Variants in DACH2 observed in about 807,000 individuals in gnomAD.
The protein encoded by DACH2 is dachshund family transcription factor 2.
A neutral mutation model predicts 35.8 loss-of-function variants in DACH2; 17 were observed. The ratio of observed to expected loss-of-function variants is 0.48; its 90% CI spans 0.33 to 0.71. DACH2 has a LOEUF of 0.71. Among genes scored for constraint, DACH2 ranks in the 30% least tolerant of loss-of-function variants. The pLI, the probability that DACH2 is intolerant of heterozygous loss-of-function variation, is 0.02. For synonymous variants in DACH2, 195 were observed against 177.3 expected, an observed-to-expected ratio of 1.10 and a Z score of -0.79; for missense variants, 469 against 472.7, an observed-to-expected ratio of 0.99 and a Z score of 0.07.
At position 86,148,744 on chromosome X, in the gene DACH2, A is replaced by G. The variant is rs763208873; in HGVS notation, c.124A>G (p.Met42Val). 17 of 1,210,894 alleles carry G rather than the reference A, an allele frequency of 1.4e-5. No individual in the cohort carries two copies. Among genetic ancestry groups the G allele is most frequent in the Non-Finnish European group, 1.9e-5 (17 of 895,337 alleles). Residue 42 changes from methionine to valine, a missense_variant, in exon 1 of 12, where the codon ATG (methionine) becomes GTG (valine). Around this residue, in one of 3 missense-constraint regions of DACH2, gnomAD observed 99 missense variants for 114.3 expected, o/e 0.87. Transcript: ENST00000373125. Reference protein sequence around the residue: ...PREPPRLTPNMINSFVVNNHS... With the variant: ...PREPPRLTPNVINSFVVNNHS... ...AGAGCCCCCTCGTCTTACTCCTAATATGATCAATAGTTTCGTGGTTAATAA... is the reference window on the plus strand; with the variant it reads ...AGAGCCCCCTCGTCTTACTCCTAATGTGATCAATAGTTTCGTGGTTAATAA...
chrX:86,301,571 T>C (rs920375826), intron 1 of DACH2, among the ~76,000 whole-genome samples: 2 of 111,918 alleles, frequency 1.8e-5, no homozygotes, highest in African/African-American at 6.5e-5. Context: ...CAGCTCATTT[T>C]GGACTGAAAG....
At chrX:86,827,452 A>G (rs2042572894) in intron 11 of DACH2, among the ~76,000 whole-genome samples, 1 of 111,631 alleles carries the variant, frequency 9.0e-6, no homozygotes, top group Non-Finnish European at 1.9e-5. Context: ...CATTTACGCC[A>G]TATTTATATT....
chrX:86,390,443 A>T, intron 2 of DACH2, among the ~76,000 whole-genome samples: 1 of 111,670 alleles, frequency 9.0e-6, no homozygotes, highest in Admixed American at 9.5e-5. Context: ...TAAAAACAGA[A>T]TTTTAGTGTT....
At chrX:86,600,734 C>T (rs775924881) in intron 3 of DACH2, among the ~76,000 whole-genome samples, 1 of 111,694 alleles carries the variant, frequency 9.0e-6, no homozygotes, top group South Asian at 3.8e-4. Context: ...ATTGTCCTCA[C>T]TGCCTCCTTT....
At chrX:86,528,098 G>A (rs2038659976) in intron 3 of DACH2, among the ~76,000 whole-genome samples, 1 of 111,480 alleles carries the variant, frequency 9.0e-6, no homozygotes, top group Admixed American at 9.6e-5. Flanking sequence ...GCTCTCTACA[G>A]CGTCATGGAC....
chrX:86,294,602 G>A (rs1306023590), intron 1 of DACH2, among the ~76,000 whole-genome samples: 1 of 109,255 alleles, frequency 9.2e-6, no homozygotes, highest in Admixed American at 9.8e-5. Flanking sequence ...ATGGGTTTTT[G>A]GTGTGGATGT....
At chrX:86,670,582 T>A (rs1569464276) in intron 4 of DACH2, among the ~76,000 whole-genome samples, 1 of 111,838 alleles carries the variant, frequency 8.9e-6, no homozygotes, top group Non-Finnish European at 1.9e-5. Flanking sequence ...TTGATCCCTA[T>A]AATGGCCCTA....
At chrX:86,232,978 T>C (rs1017844430) in intron 1 of DACH2, among the ~76,000 whole-genome samples, 3 of 112,158 alleles carry the variant, frequency 2.7e-5, no homozygotes, top group African/African-American at 9.7e-5. Context: ...AAAGAAAATG[T>C]ACATATACAC....
intron 2 of DACH2, among the ~76,000 whole-genome samples, chrX:86,499,685 C>G (rs2038222433): frequency 9.0e-6 from 1 of 110,770 alleles, no homozygotes; most frequent in Non-Finnish European, 1.9e-5. Context: ...TAAATTTTGC[C>G]AAAATCAGAT....
chrX:86,661,833 A>G (rs1211029697), intron 4 of DACH2, among the ~76,000 whole-genome samples: 1 of 112,280 alleles, frequency 8.9e-6, no homozygotes, highest in South Asian at 3.7e-4. Context: ...AGATTTTCAT[A>G]CACCATGCAT....
chrX:86,685,826 C>T (rs760502418), intron 4 of DACH2, among the ~76,000 whole-genome samples: 1 of 110,537 alleles, frequency 9.0e-6, no homozygotes, highest in South Asian at 3.9e-4. Context: ...AGGAAGACAG[C>T]ACGAAGCCAT....
intron 4 of DACH2, among the ~76,000 whole-genome samples, chrX:86,665,787 C>T (rs1365252571): frequency 3.7e-5 from 4 of 108,255 alleles, no homozygotes; most frequent in Non-Finnish European, 7.7e-5. Flanking sequence ...AAAAAAAAAC[C>T]TACAAATCTT....
chrX:86,755,040 C>T, intron 7 of DACH2, among the ~76,000 whole-genome samples: 1 of 111,584 alleles, frequency 9.0e-6, no homozygotes, highest in South Asian at 3.7e-4. Context: ...TTTATATTCC[C>T]ACTAACAGTA....
chrX:86,231,326 C>T (rs760199785), intron 1 of DACH2, among the ~76,000 whole-genome samples: 1 of 112,113 alleles, frequency 8.9e-6, no homozygotes, highest in Non-Finnish European at 1.9e-5. Context: ...GTGGGCAGAG[C>T]CCTAGAGTTC....
intron 7 of DACH2, among the ~76,000 whole-genome samples, chrX:86,791,699 G>T (rs191497110): frequency 5.4e-5 from 6 of 111,695 alleles, no homozygotes; most frequent in Admixed American, 3.8e-4. Context: ...TTAGAAAACA[G>T]ATATTTATTG....
chrX:86,545,319 C>T (rs1318398344), intron 3 of DACH2, among the ~76,000 whole-genome samples: 2 of 111,601 alleles, frequency 1.8e-5, no homozygotes, highest in Non-Finnish European at 3.8e-5. Context: ...CCAAACACCA[C>T]ATGTTCTAAC....
chrX:86,736,116 A>G (rs2147255548), intron 6 of DACH2, among the ~76,000 whole-genome samples: 1 of 111,437 alleles, frequency 9.0e-6, no homozygotes, highest in African/African-American at 3.2e-5. Flanking sequence ...ATAATTATTC[A>G]TTATTTTAGG....
Position 86,769,998 on chromosome X carries a change from T to TA in DACH2, c.1240+30124dup, listed in dbSNP as rs200577742. Among the ~76,000 whole-genome samples the TA allele has an allele frequency of 4.4e-3, 389 of 88,336 alleles. 1 individual carries two copies. The highest frequency in any genetic ancestry group is 6.8e-3 in the African/African-American group (160 of 23,512). The allele number at this position is 88,336 out of a possible 115,157, so 76.7% of individuals were successfully genotyped here. Reference sequence around the variant, plus strand: ...GCAACATGGCAAGACCCCTTCTCTATAAAAAAAATAAATAAAAAATAAAAA... The same window carrying TA: ...GCAACATGGCAAGACCCCTTCTCTATAAAAAAAAATAAATAAAAAATAAAAA... On this transcript the variant is annotated intron_variant, in intron 7 of 11. Coordinates refer to ENST00000373125, the MANE Select transcript of DACH2 (RefSeq NM_053281.3).
chrX:86,427,021 G>C (rs745492153), intron 2 of DACH2, among the ~76,000 whole-genome samples: 23 of 111,723 alleles, frequency 2.1e-4, no homozygotes, highest in Non-Finnish European at 1.7e-4. Flanking sequence ...TTTTTTGTCA[G>C]TTTTCTTTTT....
Sources: allele counts gnomAD v4.1 joint callset (sites outside exome capture counted in the v4.1 genomes callset), GRCh38; gene constraint gnomAD v4.1.1; regional missense constraint gnomAD v4.1.1; transcripts MANE v1.5; gene names NCBI Gene and HGNC (gene_info 2026-07-23, HGNC 2026-07-21).